STAMBPL1: variants seen among roughly 807,000 people sequenced by gnomAD.
STAMBPL1 encodes STAM binding protein like 1.
Under a neutral mutation model 52.9 loss-of-function variants are expected in STAMBPL1, and 44 were observed. The ratio of observed to expected loss-of-function variants is 0.83; its 90% CI spans 0.65 to 1.07. The LOEUF is 1.07. Among genes scored for constraint, STAMBPL1 ranks in the 50% least tolerant of loss-of-function variants. The pLI, the probability that STAMBPL1 is intolerant of heterozygous loss-of-function variation, is 0.00. For missense variants in STAMBPL1, 511 were observed against 520.8 expected (o/e 0.98, Z 0.18); for synonymous variants, 164 against 177.3 (o/e 0.92, Z 0.60).
Position 88,922,387 on chromosome 10 carries a change from G to A in STAMBPL1, c.1205G>A (p.Cys402Tyr). 3 of 1,613,274 alleles carry A rather than the reference G, an allele frequency of 1.9e-6. No individual in the cohort carries two copies. Among genetic ancestry groups the A allele is most frequent in the Non-Finnish European group, 2.5e-6 (3 of 1,179,664 alleles). Residue 402 changes from cysteine to tyrosine, a missense_variant, in exon 10 of 11, where the codon TGT (cysteine) becomes TAT (tyrosine). Cys to Tyr is a radical substitution (Grantham distance 194, BLOSUM62 -2). Transcript: ENST00000371926. ...GCTGGCATGCTTGAGGTTTCTGCTT[G>A]TAAAAAAAAGGGCTTTCATCCACAC... Reference protein sequence around the residue: ...TNAGMLEVSACKKKGFHPHTK... With the variant: ...TNAGMLEVSAYKKKGFHPHTK...
At chr10:88,882,193 C>G (rs894584145) in intron 1 of STAMBPL1, 52 of 152,232 alleles carry the variant, frequency 3.4e-4, no homozygotes, top group African/African-American at 1.3e-3. Flanking sequence ...ACCTCTATCT[C>G]AACCTTCAAG....
At chr10:88,908,993 A>G (rs917096442) in intron 4 of STAMBPL1, among the ~76,000 whole-genome samples, 1 of 152,248 alleles carries the variant, frequency 6.6e-6, no homozygotes, top group African/African-American at 2.4e-5. Flanking sequence ...GAAAAGAAAG[A>G]AATACGTTAC....
At chr10:88,908,649 T>C (rs1445618739) in intron 3 of STAMBPL1, 53 bp from the exon 4 acceptor site, 1 of 1,421,520 alleles carries the variant, frequency 7.0e-7, no homozygotes, top group African/African-American at 1.4e-5. Flanking sequence ...TTAGAAAGCA[T>C]TATTGAACTT....
At chr10:88,910,794 A>G (rs979915717) in intron 4 of STAMBPL1, 122 bp from the exon 5 acceptor site, 3 of 599,392 alleles carry the variant, frequency 5.0e-6, no homozygotes, top group African/African-American at 2.0e-5. Flanking sequence ...TTCTGCCATC[A>G]TCTTTGGTTA....
intron 1 of STAMBPL1, among the ~76,000 whole-genome samples, chr10:88,898,501 G>T (rs961701664): frequency 3.9e-5 from 6 of 152,088 alleles, no homozygotes; most frequent in Admixed American, 6.6e-5. Context: ...AAAGATAAAG[G>T]AATTAAGACA....
chr10:88,885,013 A>G (rs1180142450), intron 1 of STAMBPL1, among the ~76,000 whole-genome samples: 3 of 152,190 alleles, frequency 2.0e-5, no homozygotes, highest in Non-Finnish European at 4.4e-5. Context: ...TAAGTGCTAT[A>G]TGTGTTCGTT....
At chr10:88,904,470 AC>A (rs1227472874) in intron 2 of STAMBPL1, among the ~76,000 whole-genome samples, 1 of 152,182 alleles carries the variant, frequency 6.6e-6, no homozygotes, top group African/African-American at 2.4e-5. Context: ...TAAGGGCCAA[AC>A]CACCCACTTG....
At chr10:88,920,660 A>T (rs1411338301) in intron 8 of STAMBPL1, among the ~76,000 whole-genome samples, 1 of 151,968 alleles carries the variant, frequency 6.6e-6, no homozygotes, top group African/African-American at 2.4e-5. Context: ...CTTGTAATTT[A>T]TAATCCCCCT....
chr10:88,904,082 T>C (rs10509557), intron 2 of STAMBPL1, among the ~76,000 whole-genome samples: 37,398 of 152,078 alleles, frequency 0.25, 4,881 homozygotes, highest in South Asian at 0.47. Context: ...TTGACTTCTT[T>C]TATAGCTTTC....
At chr10:88,906,213 A>T (rs1273935977) in intron 3 of STAMBPL1, among the ~76,000 whole-genome samples, 1 of 152,260 alleles carries the variant, frequency 6.6e-6, no homozygotes, top group Non-Finnish European at 1.5e-5. Context: ...TATTAAGAAC[A>T]CTATGTACAA....
intron 8 of STAMBPL1, among the ~76,000 whole-genome samples, chr10:88,917,881 G>A (rs774057160): frequency 6.6e-6 from 1 of 152,136 alleles, no homozygotes; most frequent in Non-Finnish European, 1.5e-5. Context: ...GCTGCTCTCA[G>A]CTTCCATGAG....
chr10:88,913,558 G>A, intron 6 of STAMBPL1, 100 bp downstream of exon 6: 1 of 979,524 alleles, frequency 1.0e-6, no homozygotes, highest in Non-Finnish European at 1.5e-6. Context: ...ATTATTAATT[G>A]TAGTAGGACC....
At chr10:88,915,659 G>A (rs1240283303) in intron 7 of STAMBPL1, among the ~76,000 whole-genome samples, 2 of 152,206 alleles carry the variant, frequency 1.3e-5, no homozygotes, top group Admixed American at 6.6e-5. Context: ...TCCTGCAACA[G>A]CCACGGTCCC....
At chr10:88,915,621 G>A (rs1437844316) in intron 7 of STAMBPL1, among the ~76,000 whole-genome samples, 4 of 152,200 alleles carry the variant, frequency 2.6e-5, no homozygotes, top group Non-Finnish European at 5.9e-5. Flanking sequence ...AATGTGCCAG[G>A]CACTGTGCTG....
At chr10:88,905,091 C>T (rs1845039319) in intron 2 of STAMBPL1, among the ~76,000 whole-genome samples, 1 of 152,078 alleles carries the variant, frequency 6.6e-6, no homozygotes, top group Non-Finnish European at 1.5e-5. Flanking sequence ...TTATGACCTG[C>T]TTCAGATGAT....
At chr10:88,887,929 C>G (rs1270979406) in intron 1 of STAMBPL1, among the ~76,000 whole-genome samples, 1 of 152,178 alleles carries the variant, frequency 6.6e-6, no homozygotes, top group Non-Finnish European at 1.5e-5. Context: ...TATTCAAATT[C>G]TTTCTTCTAC....
At chr10:88,898,930 A>G (rs1341257526) in intron 1 of STAMBPL1, among the ~76,000 whole-genome samples, 1 of 152,222 alleles carries the variant, frequency 6.6e-6, no homozygotes, top group African/African-American at 2.4e-5. Flanking sequence ...ATGCTTTGAA[A>G]TAGAAACTAG....
intron 8 of STAMBPL1, among the ~76,000 whole-genome samples, chr10:88,917,487 T>C (rs1343167789): frequency 6.6e-6 from 1 of 152,064 alleles, no homozygotes; most frequent in Non-Finnish European, 1.5e-5. Context: ...TATAGGAGCA[T>C]TGGCAAGTTA....
At chr10:88,910,739 C>T (rs914015262) in intron 4 of STAMBPL1, among the ~76,000 whole-genome samples, 177 bp from the exon 5 acceptor site, 2 of 152,280 alleles carry the variant, frequency 1.3e-5, no homozygotes, top group East Asian at 3.9e-4. Flanking sequence ...TGTTTCTTTC[C>T]TGCTGGAAAG....
Sources: gnomAD v4.1 joint callset for allele counts (sites outside exome capture counted in the v4.1 genomes callset) on GRCh38, gnomAD v4.1.1 for gene constraint, MANE v1.5 for transcripts, NCBI Gene and HGNC (gene_info 2026-07-23, HGNC 2026-07-21) for gene names.